The following KDM4C variants were observed in gnomAD, a reference collection of about 807,000 sequenced individuals.
The protein encoded by KDM4C is lysine demethylase 4C, also known as lysine-specific demethylase 4C.
KDM4C carries 81 observed loss-of-function variants against 129.3 expected under a neutral mutation model. The observed-to-expected ratio is 0.63, with a 90% confidence interval of 0.52 to 0.75. The LOEUF (loss-of-function observed/expected upper bound fraction) is 0.75, where lower values mean the gene tolerates loss of function less well. KDM4C is among the 30% of genes least tolerant of loss of function. KDM4C has a pLI of 0.00. For missense variants in KDM4C, 1,457 were observed against 1,304.0 expected (o/e 1.12, Z -1.81); for synonymous variants, 573 against 456.1 (o/e 1.26, Z -3.26).
In KDM4C at chr9:6,870,524, C is replaced by A. The variant is rs118006443; in HGVS notation, c.630-9488C>A. ...TAGAACTTGTATTATAACATCTTAG[C>A]ATAAGCTCTGGTGTGTTATCAGTGC... On this transcript the variant is annotated intron_variant, in intron 5 of 21. Transcript: ENST00000381309. Among the ~76,000 whole-genome samples the A allele has an allele frequency of 7.2e-5, 11 of 152,104 alleles. No individual in the cohort carries two copies. In the East Asian group the frequency reaches 1.9e-3, roughly 27 times the overall value.
At chr9:7,153,963 T>C (rs903141430) in intron 19 of KDM4C, among the ~76,000 whole-genome samples, 1 of 152,158 alleles carries the variant, frequency 6.6e-6, no homozygotes, top group Non-Finnish European at 1.5e-5. Context: ...GCTGCTGCTG[T>C]CTGAGAGAAT....
At chr9:6,965,362 T>C (rs1830774749) in intron 8 of KDM4C, among the ~76,000 whole-genome samples, 1 of 152,080 alleles carries the variant, frequency 6.6e-6, no homozygotes, top group East Asian at 1.9e-4. Flanking sequence ...TAGAGAGATA[T>C]ATATGACTAA....
intron 17 of KDM4C, among the ~76,000 whole-genome samples, chr9:7,099,665 G>A (rs146380438): frequency 1.4e-3 from 206 of 152,286 alleles, no homozygotes; most frequent in African/African-American, 4.8e-3. Context: ...CAGTATCACT[G>A]GGAACTTGTT....
At chr9:7,077,780 A>G (rs1025801982) in intron 17 of KDM4C, among the ~76,000 whole-genome samples, 2 of 152,112 alleles carry the variant, frequency 1.3e-5, no homozygotes, top group African/African-American at 4.8e-5. Context: ...CACATTTTCA[A>G]CTTGCAGACC....
chr9:7,133,867 T>C (rs895872193), intron 19 of KDM4C, among the ~76,000 whole-genome samples: 4 of 152,230 alleles, frequency 2.6e-5, no homozygotes, highest in African/African-American at 9.7e-5. Context: ...CGTTCTCTAC[T>C]GTGGGATCCC....
At chr9:6,986,116 G>C (rs1337382573) in intron 10 of KDM4C, among the ~76,000 whole-genome samples, 2 of 152,218 alleles carry the variant, frequency 1.3e-5, no homozygotes, top group African/African-American at 4.8e-5. Context: ...TTGATCTCCA[G>C]ATTTTGAGCC....
chr9:6,888,731 G>C (rs1845650851), intron 7 of KDM4C, among the ~76,000 whole-genome samples: 1 of 150,986 alleles, frequency 6.6e-6, no homozygotes, highest in African/African-American at 2.4e-5. Context: ...GGAGGATTAA[G>C]TACTTAGCTG....
chr9:7,001,519 A>T (rs1464253045), intron 12 of KDM4C, among the ~76,000 whole-genome samples: 1 of 152,224 alleles, frequency 6.6e-6, no homozygotes, highest in Non-Finnish European at 1.5e-5. Context: ...TGAGAGGAAG[A>T]AGATGTATAG....
intron 17 of KDM4C, among the ~76,000 whole-genome samples, chr9:7,092,437 C>T (rs1167421260): frequency 6.6e-6 from 1 of 152,162 alleles, no homozygotes; most frequent in Non-Finnish European, 1.5e-5. Context: ...GCCTTGAACT[C>T]TTCTTTCTCT....
At chr9:7,095,012 T>G (rs549335312) in intron 17 of KDM4C, among the ~76,000 whole-genome samples, 1 of 152,340 alleles carries the variant, frequency 6.6e-6, no homozygotes, top group Non-Finnish European at 1.5e-5. Flanking sequence ...TGATGAGATC[T>G]TTTTATTGTT....
chr9:7,011,400 G>A (rs1046901867), intron 12 of KDM4C, among the ~76,000 whole-genome samples: 13 of 152,034 alleles, frequency 8.6e-5, no homozygotes, highest in African/African-American at 2.9e-4. Flanking sequence ...GTAGAGACAC[G>A]GAAGAAGTAA....
chr9:7,112,023 A>G (rs1838377014), intron 18 of KDM4C, among the ~76,000 whole-genome samples: 2 of 151,892 alleles, frequency 1.3e-5, no homozygotes, highest in South Asian at 2.1e-4. Context: ...GTGGGGTGCA[A>G]ACGTGTTACC....
intron 8 of KDM4C, among the ~76,000 whole-genome samples, chr9:6,940,173 C>G (rs1825695579): frequency 6.6e-6 from 1 of 152,070 alleles, no homozygotes; most frequent in African/African-American, 2.4e-5. Flanking sequence ...CTATTGCAAC[C>G]TCTACTTCCC....
chr9:7,035,774 T>G (rs1587112878), intron 15 of KDM4C, among the ~76,000 whole-genome samples: 1 of 152,198 alleles, frequency 6.6e-6, no homozygotes, highest in African/African-American at 2.4e-5. Flanking sequence ...CATGGCACCT[T>G]TGTCCAAATC....
chr9:7,071,641 A>G (rs1024097931), intron 17 of KDM4C, among the ~76,000 whole-genome samples: 41 of 152,184 alleles, frequency 2.7e-4, no homozygotes, highest in African/African-American at 9.9e-4. Flanking sequence ...TCATAAACAA[A>G]CATCAAACCA....
chr9:7,095,049 T>C (rs1422397335), intron 17 of KDM4C, among the ~76,000 whole-genome samples: 3 of 152,182 alleles, frequency 2.0e-5, no homozygotes, highest in African/African-American at 7.2e-5. Flanking sequence ...CTAACCAAGG[T>C]AAGTATATAT....
rs1380989308 is a variant in KDM4C, at chr9:6,729,225, A to AAAAG, written c.49+8230_49+8231insAGAA. On this transcript the variant is annotated intron_variant, in intron 1 of 17. Coordinates refer to the KDM4C transcript ENST00000536108. ...TCTCCAAAAAAAAAAAAAAAAAAAA[A>AAAAG]AAGAAGAAGAAAAGAAATAAATGGA... Among the ~76,000 whole-genome samples, 7 of 120,394 alleles carry AAAAG rather than the reference A, an allele frequency of 5.8e-5. 1 individual carries two copies. Among genetic ancestry groups the AAAAG allele is most frequent in the Admixed American group, 9.7e-5 (1 of 10,336 alleles). The allele number at this position is 120,394 out of a possible 152,430, so 79.0% of individuals were successfully genotyped here.
chr9:6,832,080 T>A (rs937043803), intron 4 of KDM4C, among the ~76,000 whole-genome samples: 1 of 152,124 alleles, frequency 6.6e-6, no homozygotes, highest in Non-Finnish European at 1.5e-5. Flanking sequence ...TGGTCATGCC[T>A]GTAATCCCAG....
At chr9:6,874,078 A>C (rs1043580475) in intron 5 of KDM4C, among the ~76,000 whole-genome samples, 1 of 152,186 alleles carries the variant, frequency 6.6e-6, no homozygotes, top group African/African-American at 2.4e-5. Context: ...GGCAACATCA[A>C]AGGTCACTGA....
Sources: gnomAD v4.1 joint callset for allele counts (sites outside exome capture counted in the v4.1 genomes callset) on GRCh38, gnomAD v4.1.1 for gene constraint, MANE v1.5 for transcripts, NCBI Gene and HGNC (gene_info 2026-07-23, HGNC 2026-07-21) for gene names.